The following SKAP1 variants were observed in gnomAD, a reference collection of about 807,000 sequenced individuals.
SKAP1 encodes src kinase-associated phosphoprotein 1.
In SKAP1, 44 loss-of-function variants were observed where a neutral mutation model predicts 58.5. The observed-to-expected ratio is 0.75, with a 90% CI of 0.59 to 0.97. The LOEUF (loss-of-function observed/expected upper bound fraction) is 0.97. SKAP1 is among the 50% of genes least tolerant of loss of function. The pLI, the probability that SKAP1 is intolerant of heterozygous loss-of-function variation, is 0.00. For missense variants in SKAP1, 390 were observed against 435.2 expected (o/e 0.90, Z 0.92); for synonymous variants, 127 against 149.7 (o/e 0.85, Z 1.11).
At chr17:48,239,872 G>GAGAC (rs1438705745) in intron 4 of SKAP1, among the ~76,000 whole-genome samples, 1 of 151,778 alleles carries the variant, frequency 6.6e-6, no homozygotes, top group African/African-American at 2.4e-5. Flanking sequence ...GAGAGAGAGA[G>GAGAC]AGAGAATGAA....
chr17:48,161,017 A>G (rs950647642), intron 11 of SKAP1, among the ~76,000 whole-genome samples: 2 of 152,202 alleles, frequency 1.3e-5, no homozygotes, highest in African/African-American at 4.8e-5. Flanking sequence ...TCACTAGAAG[A>G]TTGTGATCTC....
In SKAP1 at chr17:48,171,828, C is replaced by T. The variant is rs188829159; in HGVS notation, c.827-1169G>A. Among the ~76,000 whole-genome samples, 163 of 151,522 alleles carry T rather than the reference C, an allele frequency of 1.1e-3. 2 individuals carry two copies. Among genetic ancestry groups the T allele is most frequent in the South Asian group, 3.6e-3 (17 of 4,786 alleles). Reference sequence around the variant, plus strand: ...CTGTAATCCCAACACTTTGGGAGGCCGAGGCGGGCAGATCATGAGGTCAGG... The same window carrying T: ...CTGTAATCCCAACACTTTGGGAGGCTGAGGCGGGCAGATCATGAGGTCAGG... On this transcript the variant is annotated intron_variant, in intron 9 of 12. Transcript: ENST00000336915.
the SKAP1 span, among the ~76,000 whole-genome samples, chr17:48,444,273 A>G: frequency 6.6e-6 from 1 of 152,142 alleles, no homozygotes; most frequent in Non-Finnish European, 1.5e-5. Context: ...ATGCGTCTGT[A>G]ATCCCAGTAA....
chr17:48,236,337 C>G (rs2065180135), intron 4 of SKAP1, among the ~76,000 whole-genome samples: 1 of 152,088 alleles, frequency 6.6e-6, no homozygotes, highest in Non-Finnish European at 1.5e-5. Flanking sequence ...ATTAAGGTTT[C>G]TACGAGATTC....
At chr17:48,256,026 T>G (rs1353969462) in intron 4 of SKAP1, among the ~76,000 whole-genome samples, 1 of 152,142 alleles carries the variant, frequency 6.6e-6, no homozygotes, top group African/African-American at 2.4e-5. Context: ...GAAAAAGGCT[T>G]CTGCAAAGAT....
intron 1 of SKAP1, among the ~76,000 whole-genome samples, chr17:48,415,066 A>G (rs2067715217): frequency 6.6e-6 from 1 of 152,198 alleles, no homozygotes. Context: ...TTGTTGATAT[A>G]TGTTTCTAAA....
chr17:48,291,369 C>G (rs970414052), intron 4 of SKAP1, among the ~76,000 whole-genome samples: 2 of 152,114 alleles, frequency 1.3e-5, no homozygotes, highest in African/African-American at 2.4e-5. Context: ...CAGTGCTAAC[C>G]CACACAAATC....
At chr17:48,324,834 CTATT>C (rs2066412017) in intron 4 of SKAP1, among the ~76,000 whole-genome samples, 1 of 152,160 alleles carries the variant, frequency 6.6e-6, no homozygotes, top group East Asian at 1.9e-4. Flanking sequence ...CTATACCAAA[CTATT>C]TACCCACCTG....
intron 11 of SKAP1, among the ~76,000 whole-genome samples, chr17:48,145,488 C>T (rs993879570): frequency 6.6e-6 from 1 of 151,898 alleles, no homozygotes; most frequent in African/African-American, 2.4e-5. Context: ...AGCAGTATGG[C>T]CACCAACAAT....
chr17:48,179,970 T>C (rs2064345644), intron 9 of SKAP1, 84 bp downstream of exon 9: 1 of 1,331,744 alleles, frequency 7.5e-7, no homozygotes, highest in Admixed American at 2.3e-5. Flanking sequence ...TGGCTTCCTT[T>C]GGAATTTTCA....
chr17:48,375,657 A>G (rs545209360), intron 2 of SKAP1, among the ~76,000 whole-genome samples: 5 of 152,348 alleles, frequency 3.3e-5, no homozygotes, highest in African/African-American at 1.2e-4. Flanking sequence ...GTAATAGGCA[A>G]CAAACTATAA....
At position 48,179,281 on chromosome 17, in the gene SKAP1, C is replaced by T. The variant is rs553432258; in HGVS notation, c.826+773G>A. The stretch of plus-strand genomic sequence containing the variant: ...CTGAATGGACTTGAAGATTAGCGTT[C>T]CTGTGGTCTAACTACTTCACAATTA... On this transcript the variant is annotated intron_variant, in intron 9 of 12. Coordinates refer to ENST00000336915, the MANE Select transcript of SKAP1 (RefSeq NM_003726.4). 2.3e-4 allele frequency among the ~76,000 whole-genome samples: 35 copies of T among 152,270 alleles called. No homozygotes were observed. In the South Asian group the frequency reaches 7.0e-3, roughly 31 times the overall value.
chr17:48,398,203 C>A (rs915139566), intron 1 of SKAP1, among the ~76,000 whole-genome samples: 4 of 152,174 alleles, frequency 2.6e-5, no homozygotes, highest in Non-Finnish European at 5.9e-5. Context: ...CAGCTGGTCC[C>A]CATCACTTGC....
chr17:48,357,361 T>C (rs890950314), intron 3 of SKAP1, among the ~76,000 whole-genome samples: 4 of 152,196 alleles, frequency 2.6e-5, no homozygotes, highest in Admixed American at 1.3e-4. Flanking sequence ...CCGGGTGCAG[T>C]GGCTCACGCC....
chr17:48,289,148 T>A (rs921179450), intron 4 of SKAP1, among the ~76,000 whole-genome samples: 2 of 152,144 alleles, frequency 1.3e-5, no homozygotes, highest in Non-Finnish European at 2.9e-5. Context: ...AGTAGGAATG[T>A]TTATCTATTC....
chr17:48,394,579 G>A (rs553711277), intron 2 of SKAP1, among the ~76,000 whole-genome samples: 3 of 152,064 alleles, frequency 2.0e-5, no homozygotes, highest in East Asian at 1.9e-4. Flanking sequence ...GGCCTCAAGC[G>A]ATCTTCTGGC....
intron 4 of SKAP1, among the ~76,000 whole-genome samples, chr17:48,340,217 G>C (rs999530930): frequency 6.6e-6 from 1 of 151,926 alleles, no homozygotes; most frequent in African/African-American, 2.4e-5. Flanking sequence ...AGTCTATCGA[G>C]GGTGCTGTCA....
chr17:48,265,912 A>G (rs2065542741), intron 4 of SKAP1, among the ~76,000 whole-genome samples: 1 of 152,214 alleles, frequency 6.6e-6, no homozygotes. Context: ...TTTCAACTTA[A>G]CTTATTTTTA....
At chr17:48,429,645 G>C (rs900700076) in intron 1 of SKAP1, among the ~76,000 whole-genome samples, 3 of 152,214 alleles carry the variant, frequency 2.0e-5, no homozygotes, top group African/African-American at 7.2e-5. Flanking sequence ...CCCCTGGAGA[G>C]CCTCGGGGAC....
Sources: allele counts gnomAD v4.1 joint callset (sites outside exome capture counted in the v4.1 genomes callset), GRCh38; gene constraint gnomAD v4.1.1; transcripts MANE v1.5; gene names NCBI Gene and HGNC (gene_info 2026-07-23, HGNC 2026-07-21).